Variants in ARL6IP1 observed in about 807,000 individuals in gnomAD.
ARL6IP1 encodes the protein ADP-ribosylation factor-like protein 6-interacting protein 1.
Under a neutral mutation model 30.1 loss-of-function variants are expected in ARL6IP1, and 16 were observed. That is an observed-to-expected ratio of 0.53 (90% confidence interval 0.36 to 0.81). The LOEUF is 0.81. Among genes scored for constraint, ARL6IP1 ranks in the 30% least tolerant of loss-of-function variants. ARL6IP1 has a pLI of 0.01. For synonymous variants in ARL6IP1, 72 were observed against 84.8 expected, an observed-to-expected ratio of 0.85 and a Z score of 0.83; for missense variants, 173 against 242.7, an observed-to-expected ratio of 0.71 and a Z score of 1.91.
chr16:18,801,202 C>A (rs1818591460), intron 1 of ARL6IP1: 2 of 1,411,126 alleles, frequency 1.4e-6, no homozygotes, highest in African/African-American at 1.5e-5. Flanking sequence ...CTCCTACTCG[C>A]GGTGATGAAT....
At position 18,795,462 on chromosome 16, in the gene ARL6IP1, A is replaced by G; in HGVS notation, c.408+2T>C. The G allele has an allele frequency of 1.2e-6, 2 of 1,607,300 alleles. No homozygotes were observed. Among genetic ancestry groups the G allele is most frequent in the Non-Finnish European group, 1.7e-6 (2 of 1,177,266 alleles). ...GTACTTAAGTCAAAGCAAAAAAAGT[A>G]CCATCTTAGGTTTTTCTTCCTTTAG... On this transcript the variant is annotated splice_donor_variant, in intron 4 of 5. Coordinates refer to ENST00000304414, the MANE Select transcript of ARL6IP1 (RefSeq NM_015161.3). LOFTEE classifies it high-confidence loss of function.
chr16:18,797,826 G>A (rs936710772), intron 3 of ARL6IP1, 99 bp downstream of exon 3: 17 of 1,404,658 alleles, frequency 1.2e-5, no homozygotes, highest in Non-Finnish European at 1.6e-5. Flanking sequence ...GTGTCTGATG[G>A]TTAGACAATT....
At chr16:18,796,817 T>C (rs2030245507) in intron 3 of ARL6IP1, among the ~76,000 whole-genome samples, 2 of 152,210 alleles carry the variant, frequency 1.3e-5, no homozygotes, top group Admixed American at 1.3e-4. Flanking sequence ...TAAAGATCCA[T>C]AAGGTACACA....
intron 1 of ARL6IP1, among the ~76,000 whole-genome samples, chr16:18,800,390 G>A (rs548756801): frequency 5.9e-5 from 9 of 152,310 alleles, no homozygotes; most frequent in African/African-American, 1.9e-4. Context: ...TTGGGAAGCA[G>A]GAGCTCTAGC....
At chr16:18,795,644 C>T (rs915122794) in intron 3 of ARL6IP1, 63 bp from the exon 4 acceptor site, 2 of 1,048,760 alleles carry the variant, frequency 1.9e-6, no homozygotes, top group Non-Finnish European at 2.9e-6. Flanking sequence ...ACATGACACC[C>T]TGTTCAATTT....
intron 1 of ARL6IP1, 89 bp from the exon 2 acceptor site, chr16:18,798,923 A>G: frequency 7.4e-7 from 1 of 1,357,778 alleles, no homozygotes; most frequent in Non-Finnish European, 9.8e-7. Flanking sequence ...AGCTCCAAAT[A>G]CAAAAAATAA....
chr16:18,797,246 G>T (rs1042828117), intron 3 of ARL6IP1, among the ~76,000 whole-genome samples: 2 of 151,690 alleles, frequency 1.3e-5, no homozygotes, highest in African/African-American at 2.4e-5. Context: ...TTAGCCAGGT[G>T]TGGTGGTGGG....
At chr16:18,801,059 T>C (rs1367609778) in intron 1 of ARL6IP1, 12 of 632,522 alleles carry the variant, frequency 1.9e-5, no homozygotes, top group Non-Finnish European at 2.1e-5. Flanking sequence ...CAGGTTAAGA[T>C]CAAAGACGGG....
intron 1 of ARL6IP1, 60 bp downstream of exon 1, chr16:18,801,371 G>A (rs2030405962): frequency 1.9e-6 from 3 of 1,601,518 alleles, no homozygotes; most frequent in Non-Finnish European, 2.6e-6. Context: ...CGCGGTGTTT[G>A]AGCCCACGGA....
At chr16:18,796,657 C>T (rs1276303686) in intron 3 of ARL6IP1, among the ~76,000 whole-genome samples, 1 of 152,206 alleles carries the variant, frequency 6.6e-6, no homozygotes, top group Admixed American at 6.5e-5. Flanking sequence ...CATTCAGAAA[C>T]TTGCCCAAAA....
rs746698130 is a variant in ARL6IP1, at chr16:18,801,516, C to G, written c.-50G>C. The G allele has an allele frequency of 1.2e-6, 2 of 1,600,384 alleles. No individual in the cohort carries two copies. Among genetic ancestry groups the G allele is most frequent in the Non-Finnish European group, 8.5e-7 (1 of 1,174,620 alleles). The stretch of plus-strand genomic sequence containing the variant: ...AGCGCAGGCCACCTCCCCAACGAGT[C>G]CTCCAACCGAAACCCGCACACCAAC... On this transcript the variant is annotated 5_prime_UTR_variant, in exon 1 of 6. Transcript: ENST00000304414.
chr16:18,801,230 C>T, intron 1 of ARL6IP1: 15 of 1,419,986 alleles, frequency 1.1e-5, no homozygotes, highest in South Asian at 7.5e-5. Flanking sequence ...CCTCCTCGCC[C>T]CGTCGCGCAC....
At chr16:18,798,551 C>T (rs2030312808) in intron 2 of ARL6IP1, 150 bp downstream of exon 2, 3 of 845,984 alleles carry the variant, frequency 3.5e-6, no homozygotes, top group Non-Finnish European at 4.9e-6. Flanking sequence ...ATTCTGGAAA[C>T]TAGAAGTGCT....
rs2650626 is a variant in ARL6IP1, at chr16:18,799,038, G to C, written c.37-204C>G. Among the ~76,000 whole-genome samples, 13,111 of 145,960 alleles carry C rather than the reference G, an allele frequency of 0.09. 686 individuals carry two copies. The highest frequency in any genetic ancestry group is 0.16 in the African/African-American group (6,247 of 39,454). On this transcript the variant is annotated intron_variant, in intron 1 of 5. Transcript: ENST00000304414. ...TTTTGTTTTTTGTGTTTTTTTTTTT[G>C]AGACGGAGTCTCGCTCTGTCACCCA...
At chr16:18,798,969 T>A (rs1187633726) in intron 1 of ARL6IP1, 135 bp from the exon 2 acceptor site, 1 of 1,005,652 alleles carries the variant, frequency 9.9e-7, no homozygotes, top group South Asian at 2.1e-5. Flanking sequence ...AACTAGTTGG[T>A]TTCTGAAAAA....
Position 18,793,122 on chromosome 16 carries a change from T to A in ARL6IP1, c.*130A>T, listed in dbSNP as rs1480818775. The A allele has an allele frequency of 3.2e-6, 2 of 622,182 alleles. No homozygotes were observed. The highest frequency in any genetic ancestry group is 5.5e-5 in the Admixed American group (2 of 36,332). 38.5% of individuals were successfully genotyped at this position (622,182 alleles called of 1,614,324 possible). On this transcript the variant is annotated 3_prime_UTR_variant, in exon 6 of 6. Transcript: ENST00000304414. ...GCCTTACTTGGCGAGTCTGAATTTC[T>A]ATTAACTAAGGGCAGAGTGAGGGAG...
chr16:18,798,853 T>C lies in ARL6IP1; in HGVS notation c.37-19A>G, dbSNP rs1369494276. 1 of 1,607,814 alleles carries C rather than the reference T, an allele frequency of 6.2e-7. No homozygotes were observed. Among genetic ancestry groups the C allele is most frequent in the Non-Finnish European group, 8.5e-7 (1 of 1,177,104 alleles). On this transcript the variant is annotated intron_variant, in intron 1 of 5. Transcript: ENST00000304414. ...CTGCAGCCTAAATACCACCGACATT[T>C]AAAGTGATCATTTTACCACTCTCAA...
At chr16:18,794,840 C>T (rs981997717) in intron 4 of ARL6IP1, among the ~76,000 whole-genome samples, 157 bp from the exon 5 acceptor site, 1 of 152,102 alleles carries the variant, frequency 6.6e-6, no homozygotes, top group Non-Finnish European at 1.5e-5. Flanking sequence ...GATTTAAAAA[C>T]CTATTCCATT....
Position 18,793,199 on chromosome 16 carries a change from C to A in ARL6IP1, c.*53G>T. 8.3e-7 allele frequency: 1 copy of A among 1,199,834 alleles called. No homozygotes were observed. Among genetic ancestry groups the A allele is most frequent in the Non-Finnish European group, 1.2e-6 (1 of 820,282 alleles). 74.3% of individuals were successfully genotyped at this position (1,199,834 alleles called of 1,614,324 possible). The stretch of plus-strand genomic sequence containing the variant: ...TAGTATCCAGATAGTACAGCAGAAA[C>A]GGTTCCCGGGGCAATGGGTGCTGCA... On this transcript the variant is annotated 3_prime_UTR_variant, in exon 6 of 6. Coordinates refer to ENST00000304414, the MANE Select transcript of ARL6IP1 (RefSeq NM_015161.3).
Sources: allele counts gnomAD v4.1 joint callset (sites outside exome capture counted in the v4.1 genomes callset), GRCh38; gene constraint gnomAD v4.1.1; transcripts MANE v1.5; gene names NCBI Gene and HGNC (gene_info 2026-07-23, HGNC 2026-07-21).